Variants in SEMA3A observed in about 807,000 individuals in gnomAD.
The protein encoded by SEMA3A is semaphorin 3A.
SEMA3A carries 29 observed loss-of-function variants against 97.9 expected under a neutral mutation model. The ratio of observed to expected loss-of-function variants is 0.30; its 90% confidence interval spans 0.22 to 0.40. The LOEUF is 0.40. SEMA3A is among the 10% of genes least tolerant of loss of function. SEMA3A has a pLI of 1.00. For missense variants in SEMA3A, 763 were observed against 951.3 expected (o/e 0.80, Z 2.60); for synonymous variants, 321 against 323.7 (o/e 0.99, Z 0.09).
At chr7:84,413,604 GGTGACAGGGTGTCAGA>G (rs1420846200) in intron 1 of SEMA3A, among the ~76,000 whole-genome samples, 1 of 151,918 alleles carries the variant, frequency 6.6e-6, no homozygotes, top group Non-Finnish European at 1.5e-5. Flanking sequence ...CGCTAGCCTG[GGTGACAGGGTGTCAGA>G]GTGAGACCCT....
At chr7:84,208,383 C>T (rs867115079) in intron 3 of SEMA3A, among the ~76,000 whole-genome samples, 2 of 148,972 alleles carry the variant, frequency 1.3e-5, no homozygotes, top group Admixed American at 6.7e-5. Flanking sequence ...ACCCGGGAGG[C>T]GGAGCTTGCA....
intron 3 of SEMA3A, among the ~76,000 whole-genome samples, chr7:84,220,755 C>T (rs762869501): frequency 3.3e-5 from 5 of 152,056 alleles, no homozygotes; most frequent in African/African-American, 1.2e-4. Flanking sequence ...TTAAAATATT[C>T]GGTAACCCAT....
At chr7:84,463,237 C>CCTT in intron 1 of SEMA3A, among the ~76,000 whole-genome samples, 1 of 71,372 alleles carries the variant, frequency 1.4e-5, no homozygotes, top group Non-Finnish European at 3.0e-5. Flanking sequence ...TGTAACTATT[C>CCTT]TTTTTTTTTT....
chr7:84,015,629 G>A (rs549440998), intron 6 of SEMA3A, among the ~76,000 whole-genome samples: 2 of 152,180 alleles, frequency 1.3e-5, no homozygotes, highest in East Asian at 1.9e-4. Context: ...AAATATACAC[G>A]TACAGGTCAG....
chr7:84,237,943 C>G (rs1481642684), intron 3 of SEMA3A, among the ~76,000 whole-genome samples: 1 of 152,088 alleles, frequency 6.6e-6, no homozygotes, highest in Non-Finnish European at 1.5e-5. Context: ...AAAAAGAAGA[C>G]AGTACTATCA....
At chr7:84,381,496 C>A (rs1419727327) in intron 1 of SEMA3A, among the ~76,000 whole-genome samples, 2 of 152,142 alleles carry the variant, frequency 1.3e-5, no homozygotes, top group Non-Finnish European at 1.5e-5. Flanking sequence ...CAGTCTAACT[C>A]AAAATCTCTG....
chr7:84,178,120 A>G (rs1287498974), intron 1 of SEMA3A, among the ~76,000 whole-genome samples: 3 of 152,162 alleles, frequency 2.0e-5, no homozygotes, highest in African/African-American at 7.2e-5. Context: ...TTTCCTCTCC[A>G]AACATAGCTT....
At chr7:84,040,251 T>G (rs1792088784) in intron 6 of SEMA3A, among the ~76,000 whole-genome samples, 1 of 147,228 alleles carries the variant, frequency 6.8e-6, no homozygotes. Flanking sequence ...GTCAAAACTC[T>G]CCATTCCATT....
chr7:84,287,443 T>C (rs1406167446), intron 3 of SEMA3A, among the ~76,000 whole-genome samples: 2 of 152,176 alleles, frequency 1.3e-5, no homozygotes, highest in Admixed American at 6.6e-5. Context: ...CAAAAGAGCA[T>C]GTATTTCAGA....
chr7:84,103,331 C>T (rs1302661799), intron 4 of SEMA3A, among the ~76,000 whole-genome samples: 6 of 151,970 alleles, frequency 3.9e-5, no homozygotes, highest in Admixed American at 3.3e-4. Flanking sequence ...TAGCCCAATA[C>T]AATTAAAGGA....
At chr7:84,143,950 A>ACACACACACAC (rs1796387775) in intron 1 of SEMA3A, among the ~76,000 whole-genome samples, 1 of 94,654 alleles carries the variant, frequency 1.1e-5, no homozygotes, top group African/African-American at 3.5e-5. Context: ...CTCTCTCTCT[A>ACACACACACAC]ACACACACAC....
At chr7:84,396,718 T>C (rs995308589) in intron 1 of SEMA3A, among the ~76,000 whole-genome samples, 2 of 152,036 alleles carry the variant, frequency 1.3e-5, no homozygotes, top group African/African-American at 2.4e-5. Context: ...CAATTTCTGC[T>C]TGAAGCTTTA....
At chr7:84,050,585 G>A (rs1467158615) in intron 5 of SEMA3A, among the ~76,000 whole-genome samples, 1 of 151,974 alleles carries the variant, frequency 6.6e-6, no homozygotes, top group Admixed American at 6.5e-5. Context: ...ATTTGTTTGA[G>A]TTCATTGTAG....
At position 84,446,330 on chromosome 7, in the gene SEMA3A, C is replaced by T. The variant is rs188872552; in HGVS notation, c.-246+46130G>A. ...AAAAATTAAATAACATTCTATGAGG[C>T]CAGTGTTATCTTGATACCAAAGCCA... is the stretch of plus-strand genomic sequence containing the variant. On this transcript the variant is annotated intron_variant, in intron 1 of 3. Transcript: ENST00000424555. Among the ~76,000 whole-genome samples the T allele has an allele frequency of 9.4e-4, 143 of 152,228 alleles. 1 individual carries two copies. The highest frequency in any genetic ancestry group is 4.1e-3 in the Admixed American group (63 of 15,294).
intron 4 of SEMA3A, among the ~76,000 whole-genome samples, chr7:84,084,833 T>G (rs1794281087): frequency 6.6e-6 from 1 of 152,144 alleles, no homozygotes; most frequent in South Asian, 2.1e-4. Context: ...TTCCCATCAT[T>G]TAAATGTATG....
intron 1 of SEMA3A, 133 bp from the exon 2 acceptor site, chr7:84,135,084 A>G: frequency 3.3e-6 from 2 of 600,064 alleles, no homozygotes; most frequent in Non-Finnish European, 2.7e-6. Flanking sequence ...GGGTACTAAG[A>G]AATATATTGG....
At chr7:84,188,704 G>C (rs974424393) in intron 1 of SEMA3A, among the ~76,000 whole-genome samples, 2 of 151,588 alleles carry the variant, frequency 1.3e-5, no homozygotes, top group African/African-American at 4.8e-5. Context: ...TAGTACCATT[G>C]TTTCATTCAC....
At chr7:84,245,132 C>T (rs985838151) in intron 3 of SEMA3A, among the ~76,000 whole-genome samples, 1 of 152,020 alleles carries the variant, frequency 6.6e-6, no homozygotes, top group Non-Finnish European at 1.5e-5. Context: ...TGAATGTTGG[C>T]CTGTATTGCT....
At chr7:84,284,638 T>C (rs928451482) in intron 3 of SEMA3A, among the ~76,000 whole-genome samples, 3 of 152,170 alleles carry the variant, frequency 2.0e-5, no homozygotes, top group Non-Finnish European at 4.4e-5. Context: ...ATTAGCACTT[T>C]AAATAGCATA....
Sources: gnomAD v4.1 joint callset for allele counts (sites outside exome capture counted in the v4.1 genomes callset) on GRCh38, gnomAD v4.1.1 for gene constraint, MANE v1.5 for transcripts, NCBI Gene and HGNC (gene_info 2026-07-23, HGNC 2026-07-21) for gene names.